The following CYP7B1 variants were observed in gnomAD, a reference collection of about 807,000 sequenced individuals.
The protein encoded by CYP7B1 is cytochrome P450 family 7 subfamily B member 1, also known as cytochrome P450 7B1.
In CYP7B1, 29 loss-of-function variants were observed where a neutral mutation model predicts 42.7. The observed-to-expected ratio is 0.68, with a 90% CI of 0.51 to 0.93. The LOEUF (loss-of-function observed/expected upper bound fraction) is 0.93. CYP7B1 is among the 40% of genes least tolerant of loss of function. CYP7B1 has a pLI of 0.00. For synonymous variants in CYP7B1, 235 were observed against 218.2 expected (o/e 1.08, Z -0.68); for missense variants, 655 against 600.5 (o/e 1.09, Z -0.95).
At position 64,596,355 on chromosome 8, in the gene CYP7B1, T is replaced by C. The variant is rs1585795477; in HGVS notation, c.*287A>G. ...ATCTATTGGTGTGAAGGTACATTTA[T>C]TATAACAGGTGAAAATCACAACAAG... is the stretch of plus-strand genomic sequence containing the variant. On this transcript the variant is annotated 3_prime_UTR_variant, in exon 6 of 6. Transcript: ENST00000310193. 3.3e-6 allele frequency: 1 copy of C among 305,136 alleles called. No individual in the cohort carries two copies. Among genetic ancestry groups the C allele is most frequent in the Non-Finnish European group, 6.3e-6 (1 of 158,946 alleles). 18.9% of individuals were successfully genotyped at this position (305,136 alleles called of 1,614,324 possible). A position where few individuals can be genotyped will look rare whatever the true frequency, so the allele number is the denominator to read the frequency against.
At position 64,615,742 on chromosome 8, in the gene CYP7B1, T is replaced by C. The variant is rs2129630196; in HGVS notation, c.799A>G (p.Arg267Gly). The C allele has an allele frequency of 6.2e-7, 1 of 1,613,786 alleles. No homozygotes were observed. The highest frequency in any genetic ancestry group is 8.5e-7 in the Non-Finnish European group (1 of 1,179,780). The change falls in exon 3 of 6, where the codon AGG becomes GGG. Residue 267 changes from arginine (R) to glycine (G), a missense_variant. Physicochemically the swap from Arg to Gly is moderately radical, Grantham distance 125. Coordinates refer to ENST00000310193, the MANE Select transcript of CYP7B1 (RefSeq NM_004820.5). ...TAATATTTCTCCAGGACATCTTGCCTGCTTTGAAAAACTTCTGACCATCCT... is the reference window on the plus strand; with the variant it reads ...TAATATTTCTCCAGGACATCTTGCCCGCTTTGAAAAACTTCTGACCATCCT... ...MQGWSEVFQS[R>G]QDVLEKYYVH...
chr8:64,613,379 A>T (rs1326449564), intron 4 of CYP7B1, among the ~76,000 whole-genome samples: 1 of 152,184 alleles, frequency 6.6e-6, no homozygotes, highest in Non-Finnish European at 1.5e-5. Context: ...AATAGCAAAA[A>T]GTTGAAAGTA....
chr8:64,731,307 G>A (rs957156486), intron 1 of CYP7B1, among the ~76,000 whole-genome samples: 1 of 152,176 alleles, frequency 6.6e-6, no homozygotes, highest in African/African-American at 2.4e-5. Context: ...CCTGGTCTCA[G>A]ATGGAGAACT....
chr8:64,756,152 AACTCTTTTCC>A (rs1807805111), intron 1 of CYP7B1, among the ~76,000 whole-genome samples: 1 of 152,198 alleles, frequency 6.6e-6, no homozygotes, highest in South Asian at 2.1e-4. Flanking sequence ...TCCAACTTTT[AACTCTTTTCC>A]CTCATTTCCC....
chr8:64,732,959 A>C (rs1237899479), intron 1 of CYP7B1: 3 of 152,200 alleles, frequency 2.0e-5, no homozygotes, highest in Non-Finnish European at 4.4e-5. Flanking sequence ...GAGTCAATTA[A>C]ATCTCTTTGG....
At chr8:64,704,904 A>G (rs946204423) in intron 1 of CYP7B1, among the ~76,000 whole-genome samples, 1 of 152,048 alleles carries the variant, frequency 6.6e-6, no homozygotes, top group Admixed American at 6.6e-5. Flanking sequence ...GAAAAAATCA[A>G]CTACACTTAC....
chr8:64,663,428 G>A (rs1397649907), intron 1 of CYP7B1, among the ~76,000 whole-genome samples: 1 of 152,200 alleles, frequency 6.6e-6, no homozygotes, highest in South Asian at 2.1e-4. Context: ...CGTAACATGA[G>A]GGGGCTGAAT....
chr8:64,615,213 GA>G lies in CYP7B1; in HGVS notation c.869del (p.Leu290ProfsTer60). ...GAATAGTGTTTGCCACAGAGGCCCA[GA>G]GAAAGCCTAAATGATGTGCTGGGAG... is the stretch of plus-strand genomic sequence containing the variant. ...LEIGAHHLGFLWASVANTIPT... is the reference protein window; with the variant it reads ...LEIGAHHLGFXWASVANTIPT... On this transcript the variant is annotated frameshift_variant, in exon 4 of 6. Transcript: ENST00000310193. LOFTEE classifies it high-confidence loss of function. The G allele has an allele frequency of 6.2e-7, 1 of 1,613,158 alleles. No individual in the cohort carries two copies. Among genetic ancestry groups the G allele is most frequent in the South Asian group, 1.1e-5 (1 of 91,042 alleles).
Position 64,674,163 on chromosome 8 carries a change from TC to T in CYP7B1, c.123-49625del, listed in dbSNP as rs376875495. 1.6e-4 allele frequency among the ~76,000 whole-genome samples: 24 copies of T among 152,256 alleles called. No individual in the cohort carries two copies. The East Asian group carries it at 4.6e-3, about 29-fold the overall frequency. On this transcript the variant is annotated intron_variant, in intron 1 of 5. Transcript: ENST00000310193. ...TAAAATTAAGTCTTACTAGGAAGAA[TC>T]GGCACAAAGAAATTAATTAAAGCAA...
At chr8:64,749,103 C>T (rs556132577) in intron 1 of CYP7B1, among the ~76,000 whole-genome samples, 30 of 151,494 alleles carry the variant, frequency 2.0e-4, no homozygotes, top group African/African-American at 6.5e-4. Context: ...TTTTTTGAGA[C>T]GGAGTCTTGC....
chr8:64,676,886 A>AT (rs1241959326), intron 1 of CYP7B1, among the ~76,000 whole-genome samples: 2 of 152,076 alleles, frequency 1.3e-5, no homozygotes, highest in African/African-American at 4.8e-5. Flanking sequence ...CTGATCCACC[A>AT]TAGCCGTCTG....
At chr8:64,649,113 A>G (rs1805998140) in intron 1 of CYP7B1, among the ~76,000 whole-genome samples, 2 of 152,190 alleles carry the variant, frequency 1.3e-5, no homozygotes, top group Non-Finnish European at 2.9e-5. Context: ...CCAAAACTCT[A>G]TGCCCACTAA....
At chr8:64,670,956 T>C (rs1463077964) in intron 1 of CYP7B1, among the ~76,000 whole-genome samples, 1 of 152,132 alleles carries the variant, frequency 6.6e-6, no homozygotes, top group Admixed American at 6.5e-5. Flanking sequence ...ATTATTTCCT[T>C]GTAGATGATG....
chr8:64,604,992 C>A lies in CYP7B1; in HGVS notation c.1058-135G>T. ...TTTCTTCATCACATACATTGAGCAC[C>A]AAGAGGGAGCCAAGGGTGGCTGTGC... On this transcript the variant is annotated intron_variant, in intron 4 of 5. Transcript: ENST00000310193. 2.8e-6 allele frequency: 3 copies of A among 1,059,924 alleles called. No individual in the cohort carries two copies. The South Asian group carries it at 4.2e-5, about 15-fold the overall frequency. 65.7% of individuals were successfully genotyped at this position (1,059,924 alleles called of 1,614,324 possible). A position where few individuals can be genotyped will look rare whatever the true frequency, so the allele number is the denominator to read the frequency against.
chr8:64,691,489 G>GT (rs1554532297), intron 1 of CYP7B1, among the ~76,000 whole-genome samples: 1 of 145,212 alleles, frequency 6.9e-6, no homozygotes, highest in Non-Finnish European at 1.5e-5. Flanking sequence ...AACTGGGGGG[G>GT]GGGGGTGGTG....
At chr8:64,677,755 CTA>C (rs1806473216) in intron 1 of CYP7B1, among the ~76,000 whole-genome samples, 1 of 84,010 alleles carries the variant, frequency 1.2e-5, no homozygotes, top group African/African-American at 4.7e-5. Flanking sequence ...ATCTTAAGAT[CTA>C]TGTTTTAAAA....
At chr8:64,631,467 A>G (rs1161927894) in intron 1 of CYP7B1, among the ~76,000 whole-genome samples, 3 of 152,212 alleles carry the variant, frequency 2.0e-5, no homozygotes, top group African/African-American at 7.2e-5. Flanking sequence ...TAAAACTCCT[A>G]GAAGAAAATA....
intron 1 of CYP7B1, among the ~76,000 whole-genome samples, chr8:64,776,594 G>A (rs1164398389): frequency 1.3e-5 from 2 of 152,104 alleles, no homozygotes; most frequent in East Asian, 3.9e-4. Context: ...CATGAAATGA[G>A]GAGAGGCATT....
intron 1 of CYP7B1, among the ~76,000 whole-genome samples, chr8:64,634,487 G>A (rs1450714200): frequency 1.3e-5 from 2 of 151,790 alleles, no homozygotes; most frequent in Middle Eastern, 3.4e-3. Flanking sequence ...ACTGAGGCAG[G>A]AGAATCGCTT....
Sources: gnomAD v4.1 joint callset for allele counts (sites outside exome capture counted in the v4.1 genomes callset) on GRCh38, gnomAD v4.1.1 for gene constraint, MANE v1.5 for transcripts, NCBI Gene and HGNC (gene_info 2026-07-23, HGNC 2026-07-21) for gene names.